Variants in WWOX observed in about 807,000 individuals in gnomAD.
WWOX encodes WW domain containing oxidoreductase, also known as WW domain-containing oxidoreductase.
A neutral mutation model predicts 46.2 loss-of-function variants in WWOX; 69 were observed. The observed-to-expected ratio is 1.49, with a 90% CI of 1.23 to 1.82. WWOX has a LOEUF of 1.82. Ranked by LOEUF, WWOX falls within the 40% of genes most tolerant of loss-of-function variation. The pLI is 0.00. For missense variants in WWOX, 919 were observed against 542.6 expected (o/e 1.69, Z -6.89); for synonymous variants, 359 against 202.6 (o/e 1.77, Z -6.56).
intron 8 of WWOX, among the ~76,000 whole-genome samples, chr16:78,604,343 C>G (rs1597335128): frequency 6.6e-6 from 1 of 152,176 alleles, no homozygotes; most frequent in Non-Finnish European, 1.5e-5. Context: ...CTCATGAATG[C>G]TTTAGTGTGG....
intron 8 of WWOX, among the ~76,000 whole-genome samples, chr16:78,640,639 T>C (rs1463396345): frequency 1.3e-5 from 2 of 151,690 alleles, no homozygotes; most frequent in African/African-American, 2.4e-5. Flanking sequence ...AACTTAAAAG[T>C]TGGTGAAAGA....
At chr16:78,170,906 G>A (rs1194767897) in intron 5 of WWOX, among the ~76,000 whole-genome samples, 1 of 152,220 alleles carries the variant, frequency 6.6e-6, no homozygotes, top group African/African-American at 2.4e-5. Flanking sequence ...GAGAGCGCAT[G>A]CTCAGTTGAT....
intron 8 of WWOX, among the ~76,000 whole-genome samples, chr16:79,042,734 T>TG (rs1319024431): frequency 1.3e-5 from 2 of 151,462 alleles, no homozygotes; most frequent in Non-Finnish European, 2.9e-5. Flanking sequence ...CAGGGTTTTT[T>TG]TTTTTTTTTC....
chr16:78,786,806 A>G (rs973304181), intron 8 of WWOX, among the ~76,000 whole-genome samples: 1 of 152,226 alleles, frequency 6.6e-6, no homozygotes, highest in Admixed American at 6.5e-5. Flanking sequence ...TTTCTAATAC[A>G]TGCTTTATGG....
chr16:78,730,473 T>G (rs1443085137), intron 8 of WWOX, among the ~76,000 whole-genome samples: 1 of 152,040 alleles, frequency 6.6e-6, no homozygotes, highest in African/African-American at 2.4e-5. Flanking sequence ...GTTTGTTTGT[T>G]TTTTGAGACA....
intron 8 of WWOX, among the ~76,000 whole-genome samples, chr16:78,682,930 C>T (rs1389925406): frequency 6.6e-6 from 1 of 152,078 alleles, no homozygotes; most frequent in Non-Finnish European, 1.5e-5. Context: ...ACATCATAAG[C>T]TCCAAGTGAG....
At chr16:78,469,842 G>C (rs2084177582) in intron 8 of WWOX, among the ~76,000 whole-genome samples, 2 of 152,184 alleles carry the variant, frequency 1.3e-5, no homozygotes, top group Admixed American at 1.3e-4. Context: ...TGATCCTTTG[G>C]TTATTTGCTA....
intron 8 of WWOX, among the ~76,000 whole-genome samples, chr16:79,155,616 C>G (rs938467332): frequency 6.6e-6 from 1 of 151,872 alleles, no homozygotes; most frequent in Admixed American, 6.5e-5. Flanking sequence ...TCCAGCAGGG[C>G]TTTTACTCAA....
chr16:78,291,508 G>T (rs955599988), intron 5 of WWOX, among the ~76,000 whole-genome samples: 2 of 152,180 alleles, frequency 1.3e-5, no homozygotes, highest in African/African-American at 4.8e-5. Context: ...AGCAATCCAG[G>T]CAGGACTGGG....
At chr16:78,287,451 C>G (rs2079787594) in intron 5 of WWOX, among the ~76,000 whole-genome samples, 1 of 152,128 alleles carries the variant, frequency 6.6e-6, no homozygotes, top group South Asian at 2.1e-4. Context: ...AATTTTGACC[C>G]AGTTGTAGTC....
intron 8 of WWOX, among the ~76,000 whole-genome samples, chr16:79,061,398 T>C (rs1597337233): frequency 6.6e-6 from 1 of 152,184 alleles, no homozygotes; most frequent in South Asian, 2.1e-4. Flanking sequence ...ACGATCCACT[T>C]GGAATGTGTG....
At chr16:79,042,215 A>G (rs1237312001) in intron 8 of WWOX, among the ~76,000 whole-genome samples, 4 of 152,026 alleles carry the variant, frequency 2.6e-5, no homozygotes, top group African/African-American at 9.7e-5. Flanking sequence ...AACTCTGTCC[A>G]TGAACTCCAA....
At chr16:78,843,381 G>T (rs2052212243) in intron 8 of WWOX, among the ~76,000 whole-genome samples, 1 of 150,124 alleles carries the variant, frequency 6.7e-6, no homozygotes, top group African/African-American at 2.4e-5. Flanking sequence ...TGTGGTGCCT[G>T]TTTTGTTGAC....
At chr16:78,412,420 G>C (rs1479254354) in intron 6 of WWOX, among the ~76,000 whole-genome samples, 1 of 152,212 alleles carries the variant, frequency 6.6e-6, no homozygotes, top group Non-Finnish European at 1.5e-5. Context: ...ATAGTGGCTA[G>C]AGCTAAGGGT....
intron 8 of WWOX, among the ~76,000 whole-genome samples, chr16:79,090,523 C>T (rs752903407): frequency 5.3e-5 from 8 of 152,136 alleles, no homozygotes; most frequent in Admixed American, 1.3e-4. Context: ...GAAATCAAGA[C>T]ATGCAAGCAA....
intron 8 of WWOX, chr16:78,897,268 C>CA (rs1449129024): frequency 9.5e-5 from 8 of 83,880 alleles, no homozygotes; most frequent in Admixed American, 7.7e-4. Context: ...AAAAAAAAAC[C>CA]AAAAAAACAA....
chr16:78,836,343 C>T (rs12920972), intron 8 of WWOX, among the ~76,000 whole-genome samples: 27,393 of 152,052 alleles, frequency 0.18, 2,685 homozygotes, highest in Middle Eastern at 0.31. Context: ...TTTGCAAAGC[C>T]AGTGGCCCCA....
chr16:78,281,650 C>T (rs1044197933), intron 5 of WWOX, among the ~76,000 whole-genome samples: 5 of 152,064 alleles, frequency 3.3e-5, no homozygotes, highest in South Asian at 2.1e-4. Context: ...GGCATGGCTG[C>T]GAGAAACTTT....
At chr16:78,651,594 CT>C (rs2046967243) in intron 8 of WWOX, among the ~76,000 whole-genome samples, 1 of 152,188 alleles carries the variant, frequency 6.6e-6, no homozygotes. Context: ...GCCGTTCCTG[CT>C]TTTTGCCTAG....
Sources: allele counts gnomAD v4.1 joint callset (sites outside exome capture counted in the v4.1 genomes callset), GRCh38; gene constraint gnomAD v4.1.1; transcripts MANE v1.5; gene names NCBI Gene and HGNC (gene_info 2026-07-23, HGNC 2026-07-21).